AATF: variants seen among roughly 807,000 people sequenced by gnomAD.
AATF encodes the protein apoptosis antagonizing transcription factor, also known as protein AATF.
AATF carries 48 observed loss-of-function variants against 63.7 expected under a neutral mutation model. The observed-to-expected ratio is 0.75, with a 90% CI of 0.60 to 0.96. The LOEUF is 0.96. Ranked by LOEUF, AATF falls within the 40% of genes least tolerant of loss-of-function variation. The pLI, the probability that AATF is intolerant of heterozygous loss-of-function variation, is 0.00. For synonymous variants in AATF, 258 were observed against 247.7 expected, an observed-to-expected ratio of 1.04 and a Z score of -0.39; for missense variants, 639 against 685.7, an observed-to-expected ratio of 0.93 and a Z score of 0.76.
chr17:37,055,750 CAG>C (rs1435860817), intron 11 of AATF: 1 of 152,298 alleles, frequency 6.6e-6, no homozygotes, highest in African/African-American at 2.4e-5. Flanking sequence ...TCCCTGATGA[CAG>C]GGACGTCCTC....
intron 8 of AATF, among the ~76,000 whole-genome samples, chr17:37,006,383 C>T (rs1172462634): frequency 2.6e-5 from 4 of 151,750 alleles, no homozygotes; most frequent in South Asian, 2.1e-4. Context: ...GCAGGAGAAT[C>T]GCTTGAACCC....
At chr17:37,017,330 TTTA>T (rs761505992) in intron 8 of AATF, among the ~76,000 whole-genome samples, 2 of 152,206 alleles carry the variant, frequency 1.3e-5, no homozygotes, top group African/African-American at 2.4e-5. Context: ...TTTCTTCTTC[TTTA>T]TTATTATTAA....
intron 2 of AATF, among the ~76,000 whole-genome samples, chr17:36,950,775 T>C (rs1390159643): frequency 6.6e-6 from 1 of 152,228 alleles, no homozygotes; most frequent in Non-Finnish European, 1.5e-5. Context: ...TAGAGGTTAC[T>C]TCATTTCACT....
At chr17:36,957,727 T>C (rs1371589160) in intron 4 of AATF, among the ~76,000 whole-genome samples, 1 of 152,210 alleles carries the variant, frequency 6.6e-6, no homozygotes, top group East Asian at 1.9e-4. Flanking sequence ...ATCCTCTCAA[T>C]GTAAATTTCA....
rs71159679 is a variant in AATF at position 37,022,113 on chromosome 17, CGTGTGT to C, written c.1547+1133_1547+1138del. Among the ~76,000 whole-genome samples, 998 of 145,414 alleles carry C rather than the reference CGTGTGT, an allele frequency of 6.9e-3. 5 individuals carry two copies. Among genetic ancestry groups the C allele is most frequent in the Non-Finnish European group, 9.0e-3 (592 of 66,102 alleles). On this transcript the variant is annotated intron_variant, in intron 10 of 11. Coordinates refer to ENST00000619387, the MANE Select transcript of AATF (RefSeq NM_012138.4). ...CTATACTTTTAGACTTGGTAACTGCCGTGTGTGTGTGTGTGTGTGTGTGTGTGTGTG... is the reference window on the plus strand; with the variant it reads ...CTATACTTTTAGACTTGGTAACTGCCGTGTGTGTGTGTGTGTGTGTGTGTG...
intron 8 of AATF, among the ~76,000 whole-genome samples, chr17:37,000,843 A>G (rs972369051): frequency 5.9e-5 from 9 of 152,160 alleles, no homozygotes; most frequent in African/African-American, 2.2e-4. Context: ...CATGTAAAGA[A>G]AGTGTTTCAA....
In AATF at chr17:36,990,833, T is replaced by G; in HGVS notation, c.1374T>G (p.Phe458Leu). 1.3e-6 allele frequency: 2 copies of G among 1,590,980 alleles called. No homozygotes were observed. Among genetic ancestry groups the G allele is most frequent in the Non-Finnish European group, 1.7e-6 (2 of 1,172,172 alleles). ...TGAAGGACTTGGATGAAGAAATCTT[T>G]GATGATGATGACTTTTACCACCAGG... The part of the protein sequence containing the change: ...AHLKDLDEEI[F>L]DDDDFYHQLL... Residue 458 changes from phenylalanine (F) to leucine (L), a missense_variant, in exon 8 of 12, where the codon TTT becomes TTG. By Grantham distance (22) the Phe-to-Leu change is conservative. Transcript: ENST00000619387.
intron 11 of AATF, among the ~76,000 whole-genome samples, chr17:37,049,906 G>C (rs1032897380): frequency 6.6e-6 from 1 of 152,140 alleles, no homozygotes; most frequent in East Asian, 1.9e-4. Context: ...TCAGAGTGCA[G>C]GAGAGATGGA....
intron 4 of AATF, among the ~76,000 whole-genome samples, chr17:36,976,330 G>A (rs1173953709): frequency 3.9e-5 from 6 of 152,172 alleles, no homozygotes; most frequent in African/African-American, 1.4e-4. Context: ...AGGATTGTTA[G>A]AGGACTTAAA....
chr17:36,988,205 T>C (rs1217736254), intron 5 of AATF, among the ~76,000 whole-genome samples: 2 of 152,084 alleles, frequency 1.3e-5, no homozygotes, highest in Non-Finnish European at 2.9e-5. Flanking sequence ...TAATCCCAGC[T>C]ACCCATGAGG....
At chr17:37,011,490 G>C (rs1265657551) in intron 8 of AATF, among the ~76,000 whole-genome samples, 1 of 152,288 alleles carries the variant, frequency 6.6e-6, no homozygotes, top group East Asian at 1.9e-4. Context: ...AGATAGTTGA[G>C]ATATTGGGTG....
At chr17:36,997,433 C>A (rs1042980270) in intron 8 of AATF, among the ~76,000 whole-genome samples, 40 of 152,132 alleles carry the variant, frequency 2.6e-4, no homozygotes, top group Non-Finnish European at 5.1e-4. Flanking sequence ...ATAGAAAATT[C>A]TCCAAAGAAG....
At position 36,953,260 on chromosome 17, in the gene AATF, G is replaced by A; in HGVS notation, c.658G>A (p.Glu220Lys). Residue 220 changes from glutamate (E) to lysine (K), a missense_variant, in exon 3 of 12, where the codon GAA becomes AAA. Coordinates refer to ENST00000619387, the MANE Select transcript of AATF (RefSeq NM_012138.4). The part of the protein sequence containing the change: ...MTFSSVKVSE[E>K]VEKGRAVKNQ... ...CTTCTCTAGTGTCAAAGTTTCTGAG[G>A]AAGTGGAGAAAGGAAGAGCCGTGAA... is the stretch of plus-strand genomic sequence containing the variant. 1.2e-6 allele frequency: 2 copies of A among 1,614,078 alleles called. No homozygotes were observed. Among genetic ancestry groups the A allele is most frequent in the Non-Finnish European group, 1.7e-6 (2 of 1,179,910 alleles).
chr17:36,958,916 A>C (rs933557713), intron 4 of AATF, among the ~76,000 whole-genome samples: 1 of 148,930 alleles, frequency 6.7e-6, no homozygotes, highest in African/African-American at 2.5e-5. Flanking sequence ...AGGCCAAGAC[A>C]GGTGGATCAC....
intron 4 of AATF, among the ~76,000 whole-genome samples, chr17:36,973,488 T>C (rs2071055662): frequency 6.6e-6 from 1 of 152,164 alleles, no homozygotes; most frequent in Non-Finnish European, 1.5e-5. Flanking sequence ...AACATAGATA[T>C]GGAATAAATG....
intron 4 of AATF, among the ~76,000 whole-genome samples, chr17:36,958,461 G>A (rs1023524167): frequency 3.9e-5 from 6 of 151,994 alleles, no homozygotes; most frequent in African/African-American, 1.5e-4. Flanking sequence ...CACTGTGCCT[G>A]GCCTTCTCTC....
chr17:36,994,281 T>A (rs2071237603), intron 8 of AATF, among the ~76,000 whole-genome samples: 2 of 152,236 alleles, frequency 1.3e-5, no homozygotes, highest in Admixed American at 1.3e-4. Context: ...ACTGTAGTAT[T>A]ACAGTTTTCA....
At position 37,001,241 on chromosome 17, in the gene AATF, G is replaced by A. The variant is rs1044874787; in HGVS notation, c.1398+10384G>A. ...GACTGAGGTGGGAGGATCTGCTTGA[G>A]GTTGGGAGGTTGAGGCTGCAGTGAA... On this transcript the variant is annotated intron_variant, in intron 8 of 11. Transcript: ENST00000619387. Among the ~76,000 whole-genome samples, 5 of 151,794 alleles carry A rather than the reference G, an allele frequency of 3.3e-5. No homozygotes were observed. In the East Asian group the frequency reaches 9.7e-4, roughly 29 times the overall value.
chr17:37,019,173 AATTATT>A, intron 9 of AATF, 101 bp downstream of exon 9: 1 of 972,316 alleles, frequency 1.0e-6, no homozygotes, highest in Non-Finnish European at 1.6e-6. Flanking sequence ...TTGGTCCTAT[AATTATT>A]GAAGTTAAGC....
Sources: gnomAD v4.1 joint callset for allele counts (sites outside exome capture counted in the v4.1 genomes callset) on GRCh38, gnomAD v4.1.1 for gene constraint, MANE v1.5 for transcripts, NCBI Gene and HGNC (gene_info 2026-07-23, HGNC 2026-07-21) for gene names.